The following FRAS1 variants were observed in gnomAD, a reference collection of about 807,000 sequenced individuals.
FRAS1 encodes the protein Fraser extracellular matrix complex subunit 1.
In FRAS1, 290 loss-of-function variants were observed where a neutral mutation model predicts 435.2. The observed-to-expected ratio is 0.67, with a 90% CI of 0.61 to 0.73. The LOEUF (loss-of-function observed/expected upper bound fraction) is 0.73. Ranked by LOEUF, FRAS1 falls within the 30% of genes least tolerant of loss-of-function variation. The pLI, the probability that FRAS1 is intolerant of heterozygous loss-of-function variation, is 0.00. For missense variants in FRAS1, 4,860 were observed against 5,001.5 expected (o/e 0.97, Z 0.85); for synonymous variants, 1,800 against 1,851.0 (o/e 0.97, Z 0.71).
intron 2 of FRAS1, among the ~76,000 whole-genome samples, chr4:78,147,650 C>T (rs541250252): frequency 4.6e-5 from 7 of 152,270 alleles, no homozygotes; most frequent in African/African-American, 1.4e-4. Context: ...TTCAGTTCTG[C>T]ACTTTCTAGC....
At chr4:78,534,372 G>A (rs1231710035) in intron 70 of FRAS1, 77 bp from the exon 71 acceptor site, 6 of 1,211,340 alleles carry the variant, frequency 5.0e-6, no homozygotes, top group African/African-American at 1.5e-5. Flanking sequence ...GGAGGGTGGG[G>A]AAGGGAGGGT....
At chr4:78,424,316 G>A in intron 34 of FRAS1, 72 bp from the exon 35 acceptor site, 1 of 771,080 alleles carries the variant, frequency 1.3e-6, no homozygotes, top group Non-Finnish European at 2.0e-6. Context: ...TCTGCCCTTT[G>A]TTTTGTACCT....
At chr4:78,304,952 T>A (rs1424157296) in intron 14 of FRAS1, among the ~76,000 whole-genome samples, 1 of 152,226 alleles carries the variant, frequency 6.6e-6, no homozygotes, top group African/African-American at 2.4e-5. Context: ...AATTGTGATG[T>A]CAGGGTGTCA....
rs371933457 is a variant in FRAS1, at chr4:78,327,480, A to G, written c.2138-5792A>G. Among the ~76,000 whole-genome samples the G allele has an allele frequency of 3.0e-3, 452 of 152,318 alleles. 1 individual carries two copies. The highest frequency in any genetic ancestry group is 0.011 in the African/African-American group (441 of 41,568). On this transcript the variant is annotated intron_variant, in intron 18 of 73. Transcript: ENST00000512123. ...GTAGTATCGGTTGTTTGAAATATAC[A>G]TGGAAAATAGAATGAATAAAAATTG...
chr4:78,479,915 T>C (rs1309104499), intron 56 of FRAS1, among the ~76,000 whole-genome samples, 197 bp downstream of exon 56: 1 of 152,218 alleles, frequency 6.6e-6, no homozygotes, highest in Non-Finnish European at 1.5e-5. Flanking sequence ...CATCCACTTT[T>C]CTTACTCTGA....
chr4:78,506,636 T>A (rs998440631), intron 61 of FRAS1, among the ~76,000 whole-genome samples: 9 of 152,122 alleles, frequency 5.9e-5, no homozygotes, highest in African/African-American at 2.2e-4. Context: ...GCGTGTCCCA[T>A]TTTTCCAGGT....
chr4:78,091,639 G>GTA (rs1221168149), intron 2 of FRAS1, among the ~76,000 whole-genome samples: 1 of 150,562 alleles, frequency 6.6e-6, no homozygotes, highest in African/African-American at 2.5e-5. Context: ...GTGTGTGTGT[G>GTA]TGTGTGAATC....
At chr4:78,411,282 T>C (rs1356985964) in intron 31 of FRAS1, among the ~76,000 whole-genome samples, 1 of 152,026 alleles carries the variant, frequency 6.6e-6, no homozygotes, top group Admixed American at 6.6e-5. Context: ...AGCTAATTTT[T>C]TGTATTTTTA....
At chr4:78,101,959 T>C (rs969838000) in intron 2 of FRAS1, among the ~76,000 whole-genome samples, 2 of 152,156 alleles carry the variant, frequency 1.3e-5, no homozygotes, top group African/African-American at 4.8e-5. Context: ...ACTCTCAAAA[T>C]AACAAATAAA....
At chr4:78,316,697 TG>T (rs376473783) in intron 16 of FRAS1, among the ~76,000 whole-genome samples, 1 of 152,362 alleles carries the variant, frequency 6.6e-6, no homozygotes, top group African/African-American at 2.4e-5. Context: ...CATGTGTTCC[TG>T]ACATTGTCAT....
intron 2 of FRAS1, among the ~76,000 whole-genome samples, chr4:78,209,151 A>C (rs1483317593): frequency 6.6e-6 from 1 of 151,828 alleles, no homozygotes; most frequent in Non-Finnish European, 1.5e-5. Context: ...TGTAAAAAAA[A>C]CAAAAAAAAA....
intron 14 of FRAS1, among the ~76,000 whole-genome samples, chr4:78,289,282 A>ATG (rs1339050589): frequency 0.025 from 3,814 of 152,196 alleles, 164 homozygotes; most frequent in African/African-American, 0.086. Context: ...ATATGCACAA[A>ATG]CACAAACATG....
At chr4:78,132,361 A>G (rs1470153988) in intron 2 of FRAS1, among the ~76,000 whole-genome samples, 2 of 152,250 alleles carry the variant, frequency 1.3e-5, no homozygotes, top group Non-Finnish European at 2.9e-5. Flanking sequence ...AAGAAAAAGC[A>G]AAAACAAAAC....
chr4:78,444,719 C>A (rs1718736080), intron 41 of FRAS1, among the ~76,000 whole-genome samples: 1 of 152,138 alleles, frequency 6.6e-6, no homozygotes, highest in Admixed American at 6.5e-5. Context: ...CTTACTCTTC[C>A]CCTGGGCCTT....
Position 78,450,183 on chromosome 4 carries a change from A to C in FRAS1, c.6307A>C (p.Lys2103Gln), listed in dbSNP as rs1560735058. The change falls in exon 45 of 74, where the codon AAA becomes CAA. Residue 2103 changes from lysine to glutamine, a missense_variant. By Grantham distance (53) the Lys-to-Gln change is moderately conservative. Coordinates refer to ENST00000512123, the MANE Select transcript of FRAS1 (RefSeq NM_025074.7). ...AGCACGCATCACAGAACAGCACTTGAAAGTGACAGATATTGACTCAGATGA... is the reference window on the plus strand; with the variant it reads ...AGCACGCATCACAGAACAGCACTTGCAAGTGACAGATATTGACTCAGATGA... ...SVARITEQHL[K>Q]VTDIDSDDHQ... is the part of the protein sequence containing the mutation. 6.2e-7 allele frequency: 1 copy of C among 1,613,732 alleles called. No homozygotes were observed. The highest frequency in any genetic ancestry group is 2.2e-5 in the East Asian group (1 of 44,902).
chr4:78,182,175 T>C, intron 2 of FRAS1: 1 of 690,184 alleles, frequency 1.4e-6, no homozygotes. Flanking sequence ...ATTTCACAAA[T>C]GACCATAGAA....
chr4:78,475,353 C>A (rs1426758842), intron 53 of FRAS1, 85 bp from the exon 54 acceptor site: 7 of 1,470,156 alleles, frequency 4.8e-6, no homozygotes, highest in Non-Finnish European at 5.7e-6. Context: ...TGCCAAGAAC[C>A]AAATGGAAGA....
intron 14 of FRAS1, among the ~76,000 whole-genome samples, chr4:78,300,918 C>G (rs1434108056): frequency 2.0e-5 from 3 of 152,062 alleles, no homozygotes; most frequent in Non-Finnish European, 2.9e-5. Flanking sequence ...ATAGTTAGTC[C>G]CCACCACCCC....
Position 78,237,519 on chromosome 4 carries a change from A to G in FRAS1, c.118A>G (p.Ile40Val), listed in dbSNP as rs751533644. Residue 40 changes from isoleucine (I) to valine (V), a missense_variant, in exon 3 of 74, where the codon ATT becomes GTT. Coordinates refer to ENST00000512123, the MANE Select transcript of FRAS1 (RefSeq NM_025074.7). ...YQDSLLADAT[I>V]WKPDSCQSCR... Reference sequence around the variant, plus strand: ...TTATGCCTCTTTACAGGATGCCACAATTTGGAAGCCCGATTCATGCCAGAG... The same window carrying G: ...TTATGCCTCTTTACAGGATGCCACAGTTTGGAAGCCCGATTCATGCCAGAG... 1 of 1,613,198 alleles carries G rather than the reference A, an allele frequency of 6.2e-7. No individual in the cohort carries two copies. The highest frequency in any genetic ancestry group is 1.1e-5 in the South Asian group (1 of 90,982).
Sources: allele counts gnomAD v4.1 joint callset (sites outside exome capture counted in the v4.1 genomes callset), GRCh38; gene constraint gnomAD v4.1.1; transcripts MANE v1.5; gene names NCBI Gene and HGNC (gene_info 2026-07-23, HGNC 2026-07-21).